SOAT1: variants seen among roughly 807,000 people sequenced by gnomAD.
SOAT1 encodes sterol O-acyltransferase 1, also known as acyl-coenzyme A:cholesterol acyltransferase 1.
SOAT1 carries 55 observed loss-of-function variants against 69.5 expected under a neutral mutation model. That is an observed-to-expected ratio of 0.79 (90% confidence interval 0.64 to 0.99). The LOEUF (loss-of-function observed/expected upper bound fraction) is 0.99, where lower values mean the gene tolerates loss of function less well. SOAT1 is among the 50% of genes least tolerant of loss of function. SOAT1 has a pLI of 0.00. For missense variants in SOAT1, 580 were observed against 669.3 expected (o/e 0.87, Z 1.47); for synonymous variants, 231 against 224.7 (o/e 1.03, Z -0.25).
intron 2 of SOAT1, among the ~76,000 whole-genome samples, chr1:179,307,695 G>T (rs1193599080): frequency 6.6e-6 from 1 of 152,134 alleles, no homozygotes; most frequent in Non-Finnish European, 1.5e-5. Context: ...AAATCTTACA[G>T]CTTGTCAGTG....
At position 179,329,436 on chromosome 1, in the gene SOAT1, A is replaced by C. The variant is rs116366033; in HGVS notation, c.177+5941A>C. On this transcript the variant is annotated intron_variant, in intron 3 of 15. Coordinates refer to ENST00000367619, the MANE Select transcript of SOAT1 (RefSeq NM_003101.6). Reference sequence around the variant, plus strand: ...TCATTCAAGTAACGCCTTCTAAATAAGTTTTTGGTCCGGTCATGGTAGCTC... The same window carrying C: ...TCATTCAAGTAACGCCTTCTAAATACGTTTTTGGTCCGGTCATGGTAGCTC... Among the ~76,000 whole-genome samples the C allele has an allele frequency of 7.1e-3, 1,084 of 152,262 alleles. 12 individuals carry two copies. The highest frequency in any genetic ancestry group is 0.024 in the African/African-American group (998 of 41,552).
chr1:179,345,273 C>T (rs1474609343), intron 11 of SOAT1, among the ~76,000 whole-genome samples, 197 bp downstream of exon 11: 1 of 152,196 alleles, frequency 6.6e-6, no homozygotes, highest in Non-Finnish European at 1.5e-5. Flanking sequence ...CATCTTATGG[C>T]TTTCACTCAA....
intron 1 of SOAT1, among the ~76,000 whole-genome samples, chr1:179,297,505 T>C (rs1195612414): frequency 6.6e-6 from 1 of 151,856 alleles, no homozygotes; most frequent in Non-Finnish European, 1.5e-5. Context: ...CTGGCTAATT[T>C]TTTGTATTTT....
At chr1:179,316,850 G>A (rs527923849) in intron 2 of SOAT1, among the ~76,000 whole-genome samples, 1 of 152,194 alleles carries the variant, frequency 6.6e-6, no homozygotes, top group African/African-American at 2.4e-5. Flanking sequence ...CATTCTTCAT[G>A]TCTTTCTTCC....
chr1:179,352,818 CTCTT>C (rs1479580670), intron 15 of SOAT1, among the ~76,000 whole-genome samples: 1 of 151,950 alleles, frequency 6.6e-6, no homozygotes, highest in Non-Finnish European at 1.5e-5. Flanking sequence ...TCAACTCTCC[CTCTT>C]TATTTCATAT....
chr1:179,329,290 G>A (rs1342273111), intron 3 of SOAT1, among the ~76,000 whole-genome samples: 2 of 151,942 alleles, frequency 1.3e-5, no homozygotes, highest in African/African-American at 4.8e-5. Flanking sequence ...AGTGAGCCGA[G>A]ATCATGGCAT....
intron 2 of SOAT1, among the ~76,000 whole-genome samples, chr1:179,322,684 A>G (rs554133208): frequency 6.6e-6 from 1 of 152,318 alleles, no homozygotes; most frequent in Admixed American, 6.5e-5. Context: ...CAGACCACAT[A>G]GATAGTGTGA....
chr1:179,309,256 G>T (rs1161516797), intron 2 of SOAT1, among the ~76,000 whole-genome samples: 1 of 152,080 alleles, frequency 6.6e-6, no homozygotes, highest in African/African-American at 2.4e-5. Context: ...GCTAATTTTT[G>T]TATTTTTAGT....
At position 179,341,383 on chromosome 1, in the gene SOAT1, T is replaced by TA. The variant is rs1180714684; in HGVS notation, c.780+74dup. The TA allele has an allele frequency of 1.7e-4, 241 of 1,379,830 alleles. 1 individual carries two copies. Among genetic ancestry groups the TA allele is most frequent in the Non-Finnish European group, 2.2e-4 (223 of 999,208 alleles). The allele number at this position is 1,379,830 out of a possible 1,614,324, so 85.5% of individuals were successfully genotyped here. A position where few individuals can be genotyped will look rare whatever the true frequency, so the allele number is the denominator to read the frequency against. The stretch of plus-strand genomic sequence containing the variant: ...AATAATAATGATGATGACATACTGA[T>TA]ACTATTATTTTTAGCTGTATTAACT... On this transcript the variant is annotated intron_variant, in intron 7 of 15. Transcript: ENST00000367619.
chr1:179,325,354 G>T lies in SOAT1; in HGVS notation c.177+1859G>T, dbSNP rs112689462. On this transcript the variant is annotated intron_variant, in intron 3 of 15. Coordinates refer to ENST00000367619, the MANE Select transcript of SOAT1 (RefSeq NM_003101.6). ...TTTTTGGTAGAGACGGGGTTTCACC[G>T]TGTTAGCCAGGATGGTCTCAATCTC... 2.0e-5 allele frequency among the ~76,000 whole-genome samples: 3 copies of T among 150,924 alleles called. No homozygotes were observed. The East Asian group carries it at 5.9e-4, about 30-fold the overall frequency.
chr1:179,326,691 G>A (rs932216230), intron 3 of SOAT1, among the ~76,000 whole-genome samples: 6 of 151,630 alleles, frequency 4.0e-5, no homozygotes, highest in African/African-American at 1.5e-4. Context: ...CCCAGCAGCT[G>A]AGATTACAGG....
chr1:179,342,110 G>A lies in SOAT1; in HGVS notation c.781-4G>A. On this transcript the variant is annotated splice_region_variant and splice_polypyrimidine_tract_variant and intron_variant, in intron 7 of 15. Coordinates refer to ENST00000367619, the MANE Select transcript of SOAT1 (RefSeq NM_003101.6). Reference sequence around the variant, plus strand: ...GAGACATCTTTTTCCTCCTGCTTTTGTAGATTCGTTTTGTAATGAAGGCCC... The same window carrying A: ...GAGACATCTTTTTCCTCCTGCTTTTATAGATTCGTTTTGTAATGAAGGCCC... 27 of 1,613,532 alleles carry A rather than the reference G, an allele frequency of 1.7e-5. No individual in the cohort carries two copies. Among genetic ancestry groups the A allele is most frequent in the Non-Finnish European group, 2.3e-5 (27 of 1,179,644 alleles).
At chr1:179,316,492 G>C (rs1019309972) in intron 2 of SOAT1, among the ~76,000 whole-genome samples, 1 of 152,170 alleles carries the variant, frequency 6.6e-6, no homozygotes, top group African/African-American at 2.4e-5. Context: ...CACCTCCCGG[G>C]TTCAAGCGAT....
intron 1 of SOAT1, among the ~76,000 whole-genome samples, chr1:179,297,956 C>T (rs530485397): frequency 1.1e-4 from 17 of 148,648 alleles, no homozygotes; most frequent in African/African-American, 3.0e-4. Context: ...GAGCTGAGAT[C>T]GTGCCATTGC....
At position 179,330,808 on chromosome 1, in the gene SOAT1, A is replaced by C. The variant is rs139346089; in HGVS notation, c.178-4698A>C. Among the ~76,000 whole-genome samples the C allele has an allele frequency of 3.1e-3, 468 of 152,308 alleles. 2 individuals are homozygous for C. The highest frequency in any genetic ancestry group is 0.011 in the African/African-American group (443 of 41,568). ...ATTTTGTCTGAGTTCCAAGTGGCCA[A>C]ATTGAGGGAAGGAAAGGAGTGGGGG... On this transcript the variant is annotated intron_variant, in intron 3 of 15. Coordinates refer to ENST00000367619, the MANE Select transcript of SOAT1 (RefSeq NM_003101.6).
chr1:179,303,028 G>A (rs567541167), intron 2 of SOAT1, among the ~76,000 whole-genome samples: 6 of 152,228 alleles, frequency 3.9e-5, no homozygotes, highest in African/African-American at 9.6e-5. Flanking sequence ...ATTCAGTCAC[G>A]TAACCTACCA....
chr1:179,350,616 T>C (rs1262663984), intron 14 of SOAT1, among the ~76,000 whole-genome samples, 185 bp downstream of exon 14: 2 of 152,182 alleles, frequency 1.3e-5, no homozygotes, highest in Non-Finnish European at 2.9e-5. Context: ...TCTCAAGATA[T>C]TTACACTTTG....
chr1:179,326,918 G>T (rs896277959), intron 3 of SOAT1, among the ~76,000 whole-genome samples: 4 of 152,134 alleles, frequency 2.6e-5, no homozygotes, highest in Admixed American at 2.6e-4. Context: ...GAAAGTTCAG[G>T]ATGGCATATA....
chr1:179,341,220 C>T lies in SOAT1; in HGVS notation c.690C>T (p.Phe230=). 6.2e-7 allele frequency: 1 copy of T among 1,614,108 alleles called. No homozygotes were observed. Among genetic ancestry groups the T allele is most frequent in the South Asian group, 1.1e-5 (1 of 91,078 alleles). Residue 230 remains phenylalanine (F), a synonymous_variant, in exon 7 of 16, where the codon TTC becomes TTT. Coordinates refer to ENST00000367619, the MANE Select transcript of SOAT1 (RefSeq NM_003101.6). ...SLFHGFLFMI[F]QIGVLGFGPT... ...TCCATGGCTTTCTTTTCATGATCTT[C>T]CAGATTGGAGTTCTAGGTTTTGGAC...
Sources: allele counts gnomAD v4.1 joint callset (sites outside exome capture counted in the v4.1 genomes callset), GRCh38; gene constraint gnomAD v4.1.1; transcripts MANE v1.5; gene names NCBI Gene and HGNC (gene_info 2026-07-23, HGNC 2026-07-21).